The following IQCH variants were observed in gnomAD, a reference collection of about 807,000 sequenced individuals.
The protein encoded by IQCH is IQ motif containing H.
IQCH carries 98 observed loss-of-function variants against 117.0 expected under a neutral mutation model. That is an observed-to-expected ratio of 0.84 (90% confidence interval 0.71 to 0.99). The LOEUF (loss-of-function observed/expected upper bound fraction) is 0.99, where lower values mean the gene tolerates loss of function less well. Among genes scored for constraint, IQCH ranks in the 50% least tolerant of loss-of-function variants. IQCH has a pLI of 0.00. For synonymous variants in IQCH, 412 were observed against 448.2 expected, an observed-to-expected ratio of 0.92 and a Z score of 1.02; for missense variants, 1,102 against 1,243.8, an observed-to-expected ratio of 0.89 and a Z score of 1.72.
At chr15:67,397,856 CAGTG>C (rs1239391513) in intron 13 of IQCH, among the ~76,000 whole-genome samples, 1 of 152,200 alleles carries the variant, frequency 6.6e-6, no homozygotes, top group Non-Finnish European at 1.5e-5. Flanking sequence ...AGCATGAACA[CAGTG>C]AGCATTTCCT....
In IQCH at chr15:67,400,214, G is replaced by T. The variant is rs756939000; in HGVS notation, c.2006G>T (p.Cys669Phe). 6.2e-7 allele frequency: 1 copy of T among 1,613,522 alleles called. No individual in the cohort carries two copies. The highest frequency in any genetic ancestry group is 8.5e-7 in the Non-Finnish European group (1 of 1,179,546). Residue 669 changes from cysteine (C) to phenylalanine (F), a missense_variant, in exon 14 of 21, where the codon TGT becomes TTT. Physicochemically the swap from Cys to Phe is radical, Grantham distance 205. Coordinates refer to ENST00000335894, the MANE Select transcript of IQCH (RefSeq NM_001031715.3). ...TTCCGAGGAAATGGGACTGCATTTT[G>T]TGATATTCCTTCCTACCTAAAGTGC... ...SEFRGNGTAF[C>F]DIPSYLKCYK... is the part of the protein sequence containing the mutation.
intron 3 of IQCH, among the ~76,000 whole-genome samples, chr15:67,268,175 G>A (rs907493572): frequency 6.6e-6 from 1 of 152,120 alleles, no homozygotes; most frequent in African/African-American, 2.4e-5. Context: ...TTCCTTTTTA[G>A]CCAGCATTGC....
chr15:67,288,576 G>C (rs1381964069), intron 4 of IQCH, among the ~76,000 whole-genome samples: 1 of 151,624 alleles, frequency 6.6e-6, no homozygotes, highest in Non-Finnish European at 1.5e-5. Context: ...GCTCTTTTTT[G>C]GTTTCCATTT....
intron 12 of IQCH, among the ~76,000 whole-genome samples, chr15:67,389,557 T>C (rs1414030245): frequency 6.6e-6 from 1 of 152,062 alleles, no homozygotes; most frequent in Non-Finnish European, 1.5e-5. Flanking sequence ...ACAAGAACCA[T>C]TGGGAAATTC....
In IQCH at chr15:67,401,435, ATTCCC is replaced by A. The variant is rs767084785; in HGVS notation, c.2097+1133_2097+1137del. Among the ~76,000 whole-genome samples the A allele has an allele frequency of 6.6e-6, 1 of 152,308 alleles. No individual in the cohort carries two copies. Among genetic ancestry groups the A allele is most frequent in the East Asian group, 1.9e-4 (1 of 5,184 alleles). On this transcript the variant is annotated intron_variant, in intron 14 of 20. Transcript: ENST00000335894. This position sits in a 1 kb window ranked among gnomAD's most constrained non-coding sequence, Gnocchi z 4.7. Reference sequence around the variant, plus strand: ...ACCGATTAGGAAAATCACAATGCAAATTCCCTTAACTGGTTCCTTCCCTACCAGCA... The same window carrying A: ...ACCGATTAGGAAAATCACAATGCAAATTAACTGGTTCCTTCCCTACCAGCA...
intron 4 of IQCH, among the ~76,000 whole-genome samples, chr15:67,293,772 G>A (rs1966832347): frequency 6.6e-6 from 1 of 152,122 alleles, no homozygotes; most frequent in Non-Finnish European, 1.5e-5. Context: ...TGGCTCTGAA[G>A]GAGCAAGTCA....
At chr15:67,297,096 G>A (rs1596125273) in intron 4 of IQCH, among the ~76,000 whole-genome samples, 1 of 152,304 alleles carries the variant, frequency 6.6e-6, no homozygotes, top group East Asian at 1.9e-4. Context: ...GAGCAGCATG[G>A]AGTTAAGTGA....
Position 67,424,467 on chromosome 15 carries a change from T to G in IQCH, c.2505+2890T>G, listed in dbSNP as rs2081836440. On this transcript the variant is annotated intron_variant, in intron 16 of 20. Coordinates refer to ENST00000335894, the MANE Select transcript of IQCH (RefSeq NM_001031715.3). This position sits in a 1 kb window ranked among gnomAD's most constrained non-coding sequence, Gnocchi z 4.9. ...ATTTACATGACTATCTGATTAATATTTTTCTCCTCCTATTAATTGTAAGCT... is the reference window on the plus strand; with the variant it reads ...ATTTACATGACTATCTGATTAATATGTTTCTCCTCCTATTAATTGTAAGCT... Among the ~76,000 whole-genome samples the G allele has an allele frequency of 6.6e-6, 1 of 152,216 alleles. No homozygotes were observed.
In IQCH at chr15:67,325,752, A is replaced by G. The variant is rs190224676; in HGVS notation, c.388-11223A>G. On this transcript the variant is annotated intron_variant, in intron 4 of 20. Coordinates refer to ENST00000335894, the MANE Select transcript of IQCH (RefSeq NM_001031715.3). The stretch of plus-strand genomic sequence containing the variant: ...ATCAAATAGCAACTTAATATTTAAT[A>G]TGTTTATATTTTATTTTTGATTTAA... 2.6e-4 allele frequency among the ~76,000 whole-genome samples: 39 copies of G among 152,156 alleles called. No homozygotes were observed. The East Asian group carries it at 6.7e-3, about 26-fold the overall frequency.
intron 4 of IQCH, chr15:67,304,542 A>G (rs1245822868): frequency 5.1e-6 from 3 of 592,878 alleles, no homozygotes; most frequent in Non-Finnish European, 8.2e-6. Flanking sequence ...TGTAGATGTT[A>G]AGTAAAGATT....
At chr15:67,292,021 G>T (rs749917704) in intron 4 of IQCH, among the ~76,000 whole-genome samples, 39 of 152,078 alleles carry the variant, frequency 2.6e-4, no homozygotes, top group Admixed American at 5.9e-4. Context: ...GGACTTTGGG[G>T]AGTGCTTAGC....
rs945430020 is a variant in IQCH, at chr15:67,359,240, G to A, written c.715-607G>A. 4.6e-5 allele frequency among the ~76,000 whole-genome samples: 7 copies of A among 152,018 alleles called. No individual in the cohort carries two copies. The highest frequency in any genetic ancestry group is 7.4e-5 in the Non-Finnish European group (5 of 67,992). On this transcript the variant is annotated intron_variant, in intron 7 of 20. Transcript: ENST00000335894. This position sits in a 1 kb window ranked among gnomAD's most constrained non-coding sequence, Gnocchi z 4.5. ...TTTTAGCCAGTAAATGGTTTACCAC[G>A]AAAAAAATAGTTTTAAATAATGACA...
chr15:67,454,746 C>T lies in IQCH; in HGVS notation c.2506-10381C>T, dbSNP rs906271147. Among the ~76,000 whole-genome samples the T allele has an allele frequency of 6.6e-6, 1 of 152,204 alleles. No individual in the cohort carries two copies. Among genetic ancestry groups the T allele is most frequent in the Non-Finnish European group, 1.5e-5 (1 of 68,032 alleles). On this transcript the variant is annotated intron_variant, in intron 16 of 20. Coordinates refer to ENST00000335894, the MANE Select transcript of IQCH (RefSeq NM_001031715.3). The surrounding 1 kb of genome is among the most constrained non-coding windows in gnomAD (Gnocchi z 5.2). ...CATATATCAATGCTTTGTTCCTTTT[C>T]ATGGCTTAATAATATCCCATTGTAC...
In IQCH at chr15:67,494,667, A is replaced by G. The variant is rs914843083; in HGVS notation, c.2970+301A>G. On this transcript the variant is annotated intron_variant, in intron 20 of 20. Coordinates refer to ENST00000335894, the MANE Select transcript of IQCH (RefSeq NM_001031715.3). The surrounding 1 kb of genome is among the most constrained non-coding windows in gnomAD (Gnocchi z 5.5). ...GAGTCTGAAATGTCACAATGGAACC[A>G]AAACAGAGATCGTCACAACCAAAAA... Among the ~76,000 whole-genome samples, 6 of 152,250 alleles carry G rather than the reference A, an allele frequency of 3.9e-5. No homozygotes were observed. Among genetic ancestry groups the G allele is most frequent in the South Asian group, 2.1e-4 (1 of 4,832 alleles).
intron 6 of IQCH, 53 bp from the exon 7 acceptor site, chr15:67,357,292 G>A (rs1969928746): frequency 1.6e-6 from 2 of 1,238,234 alleles, no homozygotes. Flanking sequence ...CATCCAACCA[G>A]TGACTCAGCC....
chr15:67,380,941 C>G (rs1004909534), intron 10 of IQCH, among the ~76,000 whole-genome samples: 8 of 152,236 alleles, frequency 5.3e-5, no homozygotes, highest in African/African-American at 1.9e-4. Flanking sequence ...TTGTTAACCT[C>G]TTCTCTGCCT....
At chr15:67,272,101 T>C (rs994535488) in intron 3 of IQCH, among the ~76,000 whole-genome samples, 4 of 152,166 alleles carry the variant, frequency 2.6e-5, no homozygotes, top group Non-Finnish European at 5.9e-5. Context: ...CCCATAATTT[T>C]GGTATGTTGT....
intron 10 of IQCH, chr15:67,373,785 T>G: frequency 2.8e-6 from 1 of 357,610 alleles, no homozygotes. Flanking sequence ...GTATGTGTTG[T>G]TGCTGTTACG....
chr15:67,477,065 T>G (rs2141051317), intron 18 of IQCH, among the ~76,000 whole-genome samples: 1 of 144,096 alleles, frequency 6.9e-6, no homozygotes, highest in East Asian at 2.0e-4. Context: ...TTTTTTTTTT[T>G]TTTTGAGACA....
Sources: allele counts gnomAD v4.1 joint callset (sites outside exome capture counted in the v4.1 genomes callset), GRCh38; gene constraint gnomAD v4.1.1; non-coding constraint Gnocchi (gnomAD v3.1); transcripts MANE v1.5; gene names NCBI Gene and HGNC (gene_info 2026-07-23, HGNC 2026-07-21).